MCM8: variants seen among roughly 807,000 people sequenced by gnomAD.
MCM8 encodes minichromosome maintenance 8 homologous recombination repair factor.
A neutral mutation model predicts 98.9 loss-of-function variants in MCM8; 85 were observed. The ratio of observed to expected loss-of-function variants is 0.86; its 90% CI spans 0.72 to 1.03. The LOEUF (loss-of-function observed/expected upper bound fraction) is 1.03. Ranked by LOEUF, MCM8 falls within the 50% of genes least tolerant of loss-of-function variation. The pLI is 0.00. For missense variants in MCM8, 951 were observed against 997.8 expected, an observed-to-expected ratio of 0.95 and a Z score of 0.63; for synonymous variants, 352 against 338.6, an observed-to-expected ratio of 1.04 and a Z score of -0.44.
Position 5,969,740 on chromosome 20 carries a change from C to G in MCM8, c.1223+1715C>G, listed in dbSNP as rs1380902135. Among the ~76,000 whole-genome samples, 9 of 151,948 alleles carry G rather than the reference C, an allele frequency of 5.9e-5. No individual in the cohort carries two copies. In the East Asian group the frequency reaches 1.7e-3, roughly 29 times the overall value. On this transcript the variant is annotated intron_variant, in intron 10 of 18. Coordinates refer to ENST00000610722, the MANE Select transcript of MCM8 (RefSeq NM_032485.6). ...TAGTGCTCCACAGGGGTTTTTTGTC[C>G]TTAAATCCTACTTCCCTCTGAATAA...
chr20:5,998,470 G>C lies in MCM8; in HGVS notation c.*4079G>C, dbSNP rs546345402. The C allele has an allele frequency of 9.6e-4, 147 of 152,414 alleles. No homozygotes were observed. Among genetic ancestry groups the C allele is most frequent in the African/African-American group, 3.5e-3 (145 of 41,590 alleles). The allele number at this position is 152,414 out of a possible 1,614,324, so 9.4% of individuals were successfully genotyped here. Reference sequence around the variant, plus strand: ...CCCTGCAGCAGAATTCTTGCAGTCAGTTGTTGAGGCAAGTGGCGTGGTGGA... The same window carrying C: ...CCCTGCAGCAGAATTCTTGCAGTCACTTGTTGAGGCAAGTGGCGTGGTGGA... On this transcript the variant is annotated 3_prime_UTR_variant, in exon 19 of 19. Transcript: ENST00000610722.
chr20:5,967,610 A>AT (rs1568579495), intron 9 of MCM8, 23 bp downstream of exon 9: 1 of 1,589,252 alleles, frequency 6.3e-7, no homozygotes, highest in East Asian at 2.3e-5. Context: ...TCTTTTCATT[A>AT]TTTGTCTCTC....
At chr20:5,959,083 G>A (rs1379589483) in intron 7 of MCM8, among the ~76,000 whole-genome samples, 5 of 151,934 alleles carry the variant, frequency 3.3e-5, no homozygotes, top group African/African-American at 1.2e-4. Context: ...TGACTTCTAG[G>A]TATACACACC....
chr20:5,981,438 A>C (rs375808736), intron 13 of MCM8, among the ~76,000 whole-genome samples: 3 of 152,206 alleles, frequency 2.0e-5, no homozygotes, highest in Non-Finnish European at 4.4e-5. Context: ...CATTCCCAAC[A>C]GAGGGGGGTG....
At position 5,955,168 on chromosome 20, in the gene MCM8, A is replaced by C; in HGVS notation, c.403A>C (p.Thr135Pro). 1 of 1,613,730 alleles carries C rather than the reference A, an allele frequency of 6.2e-7. No individual in the cohort carries two copies. The highest frequency in any genetic ancestry group is 8.5e-7 in the Non-Finnish European group (1 of 1,179,658). ...AGAACTGACAGAAGGTGGTGAAGTAACTAACTTGATACCAGATATAGCAAC... is the reference window on the plus strand; with the variant it reads ...AGAACTGACAGAAGGTGGTGAAGTACCTAACTTGATACCAGATATAGCAAC... ...FKELTEGGEVTNLIPDIATEL... is the reference protein window; with the variant it reads ...FKELTEGGEVPNLIPDIATEL... Residue 135 changes from threonine (T) to proline (P), a missense_variant, in exon 5 of 19, where the codon ACT becomes CCT. Coordinates refer to ENST00000610722, the MANE Select transcript of MCM8 (RefSeq NM_032485.6).
rs1172678780 is a variant in MCM8, at chr20:5,989,120, C to CTTTTTTTTTTTTTTT, written c.2240+1764_2240+1778dup. Among the ~76,000 whole-genome samples the CTTTTTTTTTTTTTTT allele has an allele frequency of 7.4e-4, 89 of 120,288 alleles. 2 individuals carry two copies. The highest frequency in any genetic ancestry group is 4.5e-3 in the Middle Eastern group (1 of 222). 78.9% of individuals were successfully genotyped at this position (120,288 alleles called of 152,430 possible). ...ACTGTTTACTATCAATAGCGCAAGTCTTTTTTTTTTTTTTTTGAGACAGTC... is the reference window on the plus strand; with the variant it reads ...ACTGTTTACTATCAATAGCGCAAGTCTTTTTTTTTTTTTTTTTTTTTTTTTTTTTTTGAGACAGTC... On this transcript the variant is annotated intron_variant, in intron 17 of 18. Coordinates refer to ENST00000610722, the MANE Select transcript of MCM8 (RefSeq NM_032485.6).
intron 10 of MCM8, among the ~76,000 whole-genome samples, chr20:5,970,340 T>G (rs1200051334): frequency 6.6e-6 from 1 of 152,214 alleles, no homozygotes; most frequent in East Asian, 1.9e-4. Context: ...CATAGTTTAC[T>G]TGGGAGGTGA....
At chr20:5,956,149 TGGGGCATTCAGA>T (rs2088975831) in intron 5 of MCM8, among the ~76,000 whole-genome samples, 1 of 152,112 alleles carries the variant, frequency 6.6e-6, no homozygotes, top group Admixed American at 6.5e-5. Context: ...CACAAAGTGC[TGGGGCATTCAGA>T]GGGGCATTCT....
At chr20:5,957,336 T>G in intron 6 of MCM8, 107 bp downstream of exon 6, 2 of 688,094 alleles carry the variant, frequency 2.9e-6, no homozygotes, top group East Asian at 2.9e-5. Flanking sequence ...AAAAAGGACA[T>G]GAGTTCCTTG....
intron 12 of MCM8, 68 bp downstream of exon 12, chr20:5,973,264 T>G: frequency 6.3e-7 from 1 of 1,591,914 alleles, no homozygotes; most frequent in Non-Finnish European, 8.6e-7. Context: ...ACAAGTGAAT[T>G]TTCTCAAAGC....
intron 13 of MCM8, 112 bp downstream of exon 13, chr20:5,978,129 C>G (rs1826419518): frequency 8.2e-7 from 1 of 1,226,322 alleles, no homozygotes; most frequent in Admixed American, 2.3e-5. Context: ...TAGCAAAGTC[C>G]TAACCAGTAA....
chr20:5,967,597 A>G lies in MCM8; in HGVS notation c.1027+10A>G. 1 of 1,596,478 alleles carries G rather than the reference A, an allele frequency of 6.3e-7. No individual in the cohort carries two copies. Among genetic ancestry groups the G allele is most frequent in the Admixed American group, 1.7e-5 (1 of 58,304 alleles). The stretch of plus-strand genomic sequence containing the variant: ...TCAAATGCGGAAGAAGGTAGGGTAC[A>G]ACTCTTTTCATTATTTGTCTCTCAA... On this transcript the variant is annotated intron_variant, in intron 9 of 18. Transcript: ENST00000610722.
At chr20:5,955,367 A>G (rs533907529) in intron 5 of MCM8, 116 bp downstream of exon 5, 1 of 965,006 alleles carries the variant, frequency 1.0e-6, no homozygotes, top group East Asian at 2.5e-5. Flanking sequence ...TCTATAAGAG[A>G]TACTTAGCTT....
chr20:5,969,649 CTG>C (rs993745142), intron 10 of MCM8, among the ~76,000 whole-genome samples: 3 of 151,238 alleles, frequency 2.0e-5, no homozygotes, highest in Non-Finnish European at 4.4e-5. Flanking sequence ...AGGCTCAGGT[CTG>C]TAAGAGGATT....
intron 3 of MCM8, among the ~76,000 whole-genome samples, chr20:5,954,086 C>A (rs2088908222): frequency 1.3e-5 from 2 of 151,902 alleles, no homozygotes; most frequent in African/African-American, 4.8e-5. Context: ...TGCTTCCAAA[C>A]TACTTTATTG....
chr20:5,984,913 T>C lies in MCM8; in HGVS notation c.1866T>C (p.Ser622=). ...CTGGAAAGCAGAGAACCATTAGCAG[T>C]GCCACAGTAGCTCGTATGAATAGTC... ...IRAGKQRTIS[S]ATVARMNSQD... Residue 622 remains serine, a synonymous_variant, in exon 15 of 19, where the codon AGT becomes AGC. Coordinates refer to ENST00000610722, the MANE Select transcript of MCM8 (RefSeq NM_032485.6). 1 of 1,614,134 alleles carries C rather than the reference T, an allele frequency of 6.2e-7. No homozygotes were observed. Among genetic ancestry groups the C allele is most frequent in the Non-Finnish European group, 8.5e-7 (1 of 1,180,026 alleles).
At chr20:5,954,914 A>C (rs1330035734) in intron 4 of MCM8, among the ~76,000 whole-genome samples, 188 bp from the exon 5 acceptor site, 2 of 152,200 alleles carry the variant, frequency 1.3e-5, no homozygotes, top group Non-Finnish European at 2.9e-5. Flanking sequence ...GATTGTTAAG[A>C]GGCAGTAATA....
chr20:5,955,300 G>T, intron 5 of MCM8, 49 bp downstream of exon 5: 1 of 1,474,146 alleles, frequency 6.8e-7, no homozygotes, highest in Non-Finnish European at 9.3e-7. Flanking sequence ...TTTAATGTTT[G>T]CACACACATG....
intron 17 of MCM8, among the ~76,000 whole-genome samples, chr20:5,989,932 T>C (rs145210021): frequency 5.6e-4 from 86 of 152,358 alleles, no homozygotes; most frequent in Non-Finnish European, 9.8e-4. Flanking sequence ...CAGCTCTTAA[T>C]TTTTTATTGG....
Sources: allele counts gnomAD v4.1 joint callset (sites outside exome capture counted in the v4.1 genomes callset), GRCh38; gene constraint gnomAD v4.1.1; transcripts MANE v1.5; gene names NCBI Gene and HGNC (gene_info 2026-07-23, HGNC 2026-07-21).